The following ATP7A variants were observed in gnomAD, a reference collection of about 807,000 sequenced individuals.
The protein encoded by ATP7A is ATPase copper transporting alpha.
ATP7A carries 7 observed loss-of-function variants against 83.5 expected under a neutral mutation model. The ratio of observed to expected loss-of-function variants is 0.08; its 90% confidence interval spans 0.05 to 0.16. ATP7A has a LOEUF of 0.16. Among genes scored for constraint, ATP7A ranks in the 10% least tolerant of loss-of-function variants. ATP7A has a pLI of 1.00. For missense variants in ATP7A, 940 were observed against 1,120.8 expected, an observed-to-expected ratio of 0.84 and a Z score of 2.30; for synonymous variants, 354 against 395.2, an observed-to-expected ratio of 0.90 and a Z score of 1.24.
chrX:77,957,270 T>A (rs782330310), intron 1 of ATP7A, among the ~76,000 whole-genome samples: 1 of 111,042 alleles, frequency 9.0e-6, no homozygotes, highest in Non-Finnish European at 1.9e-5. Flanking sequence ...AGGGTACATG[T>A]GCACAACGTG....
At chrX:78,040,819 T>C in intron 19 of ATP7A, 86 bp downstream of exon 19, 1 of 1,075,017 alleles carries the variant, frequency 9.3e-7, no homozygotes, top group Non-Finnish European at 1.3e-6. Flanking sequence ...TTACATTACC[T>C]ACTATTTTCA....
At chrX:77,940,495 A>G (rs974438741) in intron 1 of ATP7A, among the ~76,000 whole-genome samples, 2 of 111,574 alleles carry the variant, frequency 1.8e-5, no homozygotes, top group Non-Finnish European at 3.8e-5. Context: ...AATAAATTCT[A>G]GATGAGTTAA....
chrX:77,924,471 T>C (rs1439350432), intron 1 of ATP7A: 1 of 111,521 alleles, frequency 9.0e-6, no homozygotes, highest in Non-Finnish European at 1.9e-5. Flanking sequence ...TGAAATGATA[T>C]GGGCCTTCAG....
intron 2 of ATP7A, among the ~76,000 whole-genome samples, chrX:77,987,677 A>G (rs1274370192): frequency 9.0e-6 from 1 of 111,441 alleles, no homozygotes; most frequent in Non-Finnish European, 1.9e-5. Context: ...ATATAGGAGT[A>G]TATGCTATAA....
At chrX:77,943,720 G>T (rs782137186) in intron 1 of ATP7A, among the ~76,000 whole-genome samples, 5 of 111,801 alleles carry the variant, frequency 4.5e-5, no homozygotes, top group Non-Finnish European at 9.4e-5. Context: ...TATTCTTCTA[G>T]ACCCTTTACT....
intron 2 of ATP7A, among the ~76,000 whole-genome samples, chrX:77,984,792 T>C (rs1002739051): frequency 8.9e-6 from 1 of 112,031 alleles, no homozygotes; most frequent in Non-Finnish European, 1.9e-5. Context: ...CAAAGTTGAG[T>C]GCTGTTACCC....
rs782032043 is a variant in ATP7A at position 78,011,817 on chromosome X, A to C, written c.2172+143A>C. ...CATATGCTTTACAAAAATAATCTTC[A>C]ACTGGGTAGTTATTTAAGTTGATAA... is the stretch of plus-strand genomic sequence containing the variant. On this transcript the variant is annotated intron_variant, in intron 9 of 22. Transcript: ENST00000341514. The C allele has an allele frequency of 1.4e-5, 9 of 625,141 alleles. No homozygotes were observed. The Admixed American group carries it at 2.0e-4, about 14-fold the overall frequency. The allele number at this position is 625,141 out of a possible 1,213,427, so 51.5% of individuals were successfully genotyped here.
At chrX:78,026,165 T>A (rs1321498687) in intron 14 of ATP7A, among the ~76,000 whole-genome samples, 1 of 111,336 alleles carries the variant, frequency 9.0e-6, no homozygotes, top group African/African-American at 3.3e-5. Flanking sequence ...AAAAACAAGA[T>A]CCATCCTTTT....
chrX:77,960,265 C>T (rs1292888787), intron 1 of ATP7A, among the ~76,000 whole-genome samples: 1 of 111,836 alleles, frequency 8.9e-6, no homozygotes, highest in Admixed American at 9.5e-5. Flanking sequence ...GCTTTTAGTC[C>T]CAGCTACTCA....
At position 77,915,732 on chromosome X, in the gene ATP7A, T is replaced by C. The variant is rs190116383; in HGVS notation, c.-22+4897T>C. On this transcript the variant is annotated intron_variant, in intron 1 of 22. Transcript: ENST00000341514. Reference sequence around the variant, plus strand: ...ATATTTAAATTCTTTAAAAAAATTTTTTTTGGAGACAGGGTCTTGCTCCGT... The same window carrying C: ...ATATTTAAATTCTTTAAAAAAATTTCTTTTGGAGACAGGGTCTTGCTCCGT... Among the ~76,000 whole-genome samples, 113 of 111,830 alleles carry C rather than the reference T, an allele frequency of 1.0e-3. 2 individuals are homozygous for C. The East Asian group carries it at 0.031, about 31-fold the overall frequency.
chrX:78,040,074 A>G (rs1350813781), intron 18 of ATP7A, among the ~76,000 whole-genome samples: 2 of 111,160 alleles, frequency 1.8e-5, no homozygotes, highest in Non-Finnish European at 3.8e-5. Flanking sequence ...GTCTTTTACT[A>G]TGGCCTTTTT....
chrX:77,946,256 C>T (rs528847380), intron 1 of ATP7A, among the ~76,000 whole-genome samples: 7 of 105,966 alleles, frequency 6.6e-5, no homozygotes, highest in African/African-American at 1.7e-4. Flanking sequence ...GCCGAGATTG[C>T]GCCATTGCAC....
intron 1 of ATP7A, among the ~76,000 whole-genome samples, chrX:77,931,850 G>A (rs2077281342): frequency 9.9e-6 from 1 of 100,512 alleles, no homozygotes; most frequent in African/African-American, 3.7e-5. Context: ...CCCGGACGGG[G>A]CGGCTGGCCG....
chrX:78,036,679 G>A (rs1443021303), intron 17 of ATP7A, among the ~76,000 whole-genome samples: 2 of 111,155 alleles, frequency 1.8e-5, no homozygotes, highest in Admixed American at 9.6e-5. Flanking sequence ...TCAGGAGTTC[G>A]AGACCAGCCT....
At chrX:77,985,697 T>C in intron 2 of ATP7A, among the ~76,000 whole-genome samples, 1 of 111,203 alleles carries the variant, frequency 9.0e-6, no homozygotes, top group South Asian at 3.7e-4. Context: ...TTTTTTTGGG[T>C]ATATAGTTCT....
intron 4 of ATP7A, among the ~76,000 whole-genome samples, chrX:77,993,389 A>G (rs782368607): frequency 5.4e-5 from 6 of 112,072 alleles, no homozygotes; most frequent in Admixed American, 1.9e-4. Context: ...CTGCAGACCC[A>G]GTAAATCAAA....
chrX:77,913,619 G>C (rs1451586858), intron 1 of ATP7A, among the ~76,000 whole-genome samples: 2 of 111,888 alleles, frequency 1.8e-5, no homozygotes, highest in African/African-American at 6.5e-5. Context: ...AAAGTAAAAG[G>C]GTCCTGTGTT....
intron 3 of ATP7A, 92 bp from the exon 4 acceptor site, chrX:77,989,139 AAC>A: frequency 1.0e-6 from 1 of 970,668 alleles, no homozygotes; most frequent in Non-Finnish European, 1.4e-6. Context: ...ATGAGAGAGA[AAC>A]AATTATTTGT....
intron 4 of ATP7A, among the ~76,000 whole-genome samples, chrX:77,993,644 A>G (rs1479511410): frequency 8.9e-6 from 1 of 111,945 alleles, no homozygotes; most frequent in Non-Finnish European, 1.9e-5. Flanking sequence ...GAGCATATAT[A>G]GAAACCTCAT....
Sources: allele counts gnomAD v4.1 joint callset (sites outside exome capture counted in the v4.1 genomes callset), GRCh38; gene constraint gnomAD v4.1.1; transcripts MANE v1.5; gene names NCBI Gene and HGNC (gene_info 2026-07-23, HGNC 2026-07-21).